Variants in WDR72 observed in about 807,000 individuals in gnomAD.
The protein encoded by WDR72 is WD repeat-containing protein 72.
Under a neutral mutation model 124.2 loss-of-function variants are expected in WDR72, and 120 were observed. The ratio of observed to expected loss-of-function variants is 0.97; its 90% CI spans 0.83 to 1.12. The LOEUF is 1.12. WDR72 is among the 50% of genes most tolerant of loss of function. The probability of loss-of-function intolerance (pLI) is 0.00; values close to 1 mark genes in which losing one functional copy is unlikely to be tolerated. For missense variants in WDR72, 1,387 were observed against 1,278.8 expected (o/e 1.08, Z -1.29); for synonymous variants, 452 against 441.7 (o/e 1.02, Z -0.29).
At chr15:53,584,786 C>A (rs1011911195) in intron 18 of WDR72, among the ~76,000 whole-genome samples, 12 of 152,036 alleles carry the variant, frequency 7.9e-5, no homozygotes, top group Non-Finnish European at 1.2e-4. Context: ...ATCATCCCAT[C>A]TCCTGACCAT....
chr15:53,524,005 A>C (rs1310655930), intron 18 of WDR72, among the ~76,000 whole-genome samples: 1 of 152,092 alleles, frequency 6.6e-6, no homozygotes, highest in Non-Finnish European at 1.5e-5. Flanking sequence ...GTACCGACTA[A>C]TTCTGTTTGA....
rs181684184 is a variant in WDR72, at chr15:53,563,856, T to C, written c.3148+33223A>G. ...ATCGGAGCTCGTCATCCATCATCCC[T>C]GGTCTGAAACATACAGTGCATCAGC... On this transcript the variant is annotated intron_variant, in intron 18 of 19. Transcript: ENST00000360509. Among the ~76,000 whole-genome samples the C allele has an allele frequency of 1.1e-3, 165 of 151,910 alleles. 2 individuals carry two copies. Among genetic ancestry groups the C allele is most frequent in the Admixed American group, 9.5e-3 (144 of 15,202 alleles).
At chr15:53,566,975 A>G (rs1307699927) in intron 18 of WDR72, among the ~76,000 whole-genome samples, 1 of 151,840 alleles carries the variant, frequency 6.6e-6, no homozygotes, top group Non-Finnish European at 1.5e-5. Flanking sequence ...TTTAAACTCT[A>G]ATAACCATGC....
intron 1 of WDR72, among the ~76,000 whole-genome samples, chr15:53,736,625 G>A (rs532749476): frequency 1.3e-5 from 2 of 152,254 alleles, no homozygotes; most frequent in East Asian, 3.9e-4. Flanking sequence ...CACACTGAGG[G>A]GTGTTGAGCA....
intron 2 of WDR72, among the ~76,000 whole-genome samples, chr15:53,731,847 C>A (rs1046397411): frequency 8.6e-5 from 13 of 152,046 alleles, no homozygotes; most frequent in African/African-American, 3.1e-4. Flanking sequence ...CAAATGTATG[C>A]TAAACAAAAG....
At chr15:53,652,605 G>A (rs576111582) in intron 14 of WDR72, among the ~76,000 whole-genome samples, 30 of 152,114 alleles carry the variant, frequency 2.0e-4, no homozygotes, top group Non-Finnish European at 4.0e-4. Flanking sequence ...TTTGTATTGA[G>A]GGGAGGGCTT....
intron 17 of WDR72, among the ~76,000 whole-genome samples, chr15:53,604,587 C>T (rs538382823): frequency 5.3e-5 from 8 of 150,936 alleles, no homozygotes; most frequent in East Asian, 1.9e-4. Context: ...ATGCATCTTA[C>T]GAAAGTCTAA....
At chr15:53,571,948 T>A (rs1194958041) in intron 18 of WDR72, among the ~76,000 whole-genome samples, 1 of 152,110 alleles carries the variant, frequency 6.6e-6, no homozygotes, top group Non-Finnish European at 1.5e-5. Context: ...TAGTTTTGAC[T>A]TGCAATTCCC....
At chr15:53,574,182 A>G (rs1277506593) in intron 18 of WDR72, among the ~76,000 whole-genome samples, 1 of 152,222 alleles carries the variant, frequency 6.6e-6, no homozygotes, top group African/African-American at 2.4e-5. Flanking sequence ...GACAATTAAA[A>G]ATCCAAACGT....
chr15:53,661,971 C>T (rs2015624218), intron 14 of WDR72, among the ~76,000 whole-genome samples: 1 of 152,110 alleles, frequency 6.6e-6, no homozygotes, highest in South Asian at 2.1e-4. Flanking sequence ...ATTCATTTTA[C>T]AGACAAGAAA....
At chr15:53,597,479 G>A (rs2012834859) in intron 17 of WDR72, among the ~76,000 whole-genome samples, 1 of 152,042 alleles carries the variant, frequency 6.6e-6, no homozygotes, top group Non-Finnish European at 1.5e-5. Context: ...TTTTTGCAAT[G>A]CAAGAGATTC....
chr15:53,529,245 G>A (rs1253782431), intron 18 of WDR72, among the ~76,000 whole-genome samples: 2 of 146,276 alleles, frequency 1.4e-5, no homozygotes, highest in African/African-American at 5.1e-5. Flanking sequence ...GGAATGTGTT[G>A]TATTGTTAAA....
chr15:53,516,256 T>C lies in WDR72; in HGVS notation c.*1443A>G, dbSNP rs1891455599. 1 of 152,150 alleles carries C rather than the reference T, an allele frequency of 6.6e-6. No homozygotes were observed. The highest frequency in any genetic ancestry group is 6.5e-5 in the Admixed American group (1 of 15,274). The allele number at this position is 152,150 out of a possible 1,614,324, so 9.4% of individuals were successfully genotyped here. A position where few individuals can be genotyped will look rare whatever the true frequency, so the allele number is the denominator to read the frequency against. ...CAAAGAATGCACACTTTAATCTACT[T>C]TAAGGGAGTCACACTCATTTGACAT... is the stretch of plus-strand genomic sequence containing the variant. On this transcript the variant is annotated 3_prime_UTR_variant, in exon 20 of 20. Transcript: ENST00000360509.
At chr15:53,654,656 G>C (rs2015354583) in intron 14 of WDR72, among the ~76,000 whole-genome samples, 1 of 152,122 alleles carries the variant, frequency 6.6e-6, no homozygotes, top group South Asian at 2.1e-4. Flanking sequence ...GCAGCTCATT[G>C]AATTTTCTGT....
intron 18 of WDR72, among the ~76,000 whole-genome samples, chr15:53,586,183 C>T (rs899572737): frequency 1.3e-5 from 2 of 152,006 alleles, no homozygotes; most frequent in African/African-American, 2.4e-5. Context: ...GATGGCTGGA[C>T]TTACCAGCTG....
intron 11 of WDR72, among the ~76,000 whole-genome samples, chr15:53,703,049 G>A (rs1048256178): frequency 2.0e-5 from 3 of 151,868 alleles, no homozygotes; most frequent in Non-Finnish European, 4.4e-5. Flanking sequence ...TAGTAGCTGG[G>A]TCCACAGGTG....
rs573894666 is a variant in WDR72, at chr15:53,675,137, G to A, written c.1766-9369C>T. Among the ~76,000 whole-genome samples, 13 of 152,228 alleles carry A rather than the reference G, an allele frequency of 8.5e-5. No homozygotes were observed. The East Asian group carries it at 2.5e-3, about 29-fold the overall frequency. ...AAGCAGGCGGATCACGAGGTCAGGA[G>A]ATTGAGACCATCCTGGCCAACATGG... On this transcript the variant is annotated intron_variant, in intron 13 of 19. Transcript: ENST00000360509.
chr15:53,523,122 G>T, intron 19 of WDR72, 96 bp downstream of exon 19: 1 of 1,108,406 alleles, frequency 9.0e-7, no homozygotes. Flanking sequence ...AGAGAAAACA[G>T]CATTACAATG....
intron 1 of WDR72, among the ~76,000 whole-genome samples, chr15:53,753,640 A>T (rs2018827508): frequency 6.6e-6 from 1 of 152,138 alleles, no homozygotes; most frequent in Admixed American, 6.5e-5. Flanking sequence ...TCACCACTTG[A>T]TTATTCAAAA....
Sources: gnomAD v4.1 joint callset for allele counts (sites outside exome capture counted in the v4.1 genomes callset) on GRCh38, gnomAD v4.1.1 for gene constraint, MANE v1.5 for transcripts, NCBI Gene and HGNC (gene_info 2026-07-23, HGNC 2026-07-21) for gene names.